The following CSGALNACT1 variants were observed in gnomAD, a reference collection of about 807,000 sequenced individuals.
The protein encoded by CSGALNACT1 is beta4GalNAcT-1.
In CSGALNACT1, 52 loss-of-function variants were observed where a neutral mutation model predicts 51.0. The observed-to-expected ratio is 1.02, with a 90% confidence interval of 0.82 to 1.29. CSGALNACT1 has a LOEUF of 1.29. CSGALNACT1 is among the 50% of genes most tolerant of loss of function. The pLI is 0.00. For synonymous variants in CSGALNACT1, 341 were observed against 254.4 expected, an observed-to-expected ratio of 1.34 and a Z score of -3.24; for missense variants, 935 against 679.2, an observed-to-expected ratio of 1.38 and a Z score of -4.19.
At chr8:19,474,783 C>G (rs561194201) in intron 4 of CSGALNACT1, among the ~76,000 whole-genome samples, 1 of 144,606 alleles carries the variant, frequency 6.9e-6, no homozygotes, top group East Asian at 2.1e-4. Context: ...AGGAGAATCA[C>G]TTGAACCTGG....
rs150179018 is a variant in CSGALNACT1 at position 19,746,353 on chromosome 8, T to C, written c.-297+11497A>G. On this transcript the variant is annotated intron_variant, in intron 1 of 1. Coordinates refer to the CSGALNACT1 transcript ENST00000517494. ...AACCTGAGAGTAGGCATCTTGGTAG[T>C]TCATTATTATAAGGGGCACCTAAAA... Among the ~76,000 whole-genome samples, 175 of 152,244 alleles carry C rather than the reference T, an allele frequency of 1.1e-3. 1 individual carries two copies. The highest frequency in any genetic ancestry group is 2.0e-3 in the Non-Finnish European group (138 of 68,010).
upstream of CSGALNACT1, among the ~76,000 whole-genome samples, chr8:19,686,480 G>C (rs1429942930): frequency 6.6e-6 from 1 of 152,188 alleles, no homozygotes; most frequent in East Asian, 1.9e-4. Flanking sequence ...CAGTTTCAAA[G>C]TTCCAGTGAA....
Position 19,431,599 on chromosome 8 carries a change from C to T in CSGALNACT1, c.953+8231G>A, listed in dbSNP as rs1276957003. Among the ~76,000 whole-genome samples, 7 of 151,576 alleles carry T rather than the reference C, an allele frequency of 4.6e-5. No individual in the cohort carries two copies. The East Asian group carries it at 1.3e-3, about 29-fold the overall frequency. ...TTGTTGAGGGTTTTGCATTTATATTCATAGGGATACTGATCTATAGTTTTC... is the reference window on the plus strand; with the variant it reads ...TTGTTGAGGGTTTTGCATTTATATTTATAGGGATACTGATCTATAGTTTTC... On this transcript the variant is annotated intron_variant, in intron 6 of 9. Transcript: ENST00000454498.
At chr8:19,422,945 G>A (rs986896560) in intron 6 of CSGALNACT1, among the ~76,000 whole-genome samples, 3 of 152,002 alleles carry the variant, frequency 2.0e-5, no homozygotes, top group African/African-American at 4.8e-5. Flanking sequence ...CTCTTTCTTC[G>A]CTGTTTCCAG....
At chr8:19,660,976 C>A (rs1198303235) in intron 1 of CSGALNACT1, among the ~76,000 whole-genome samples, 1 of 151,994 alleles carries the variant, frequency 6.6e-6, no homozygotes, top group Non-Finnish European at 1.5e-5. Context: ...GCAGTGGTGC[C>A]ATCTCAGCTC....
chr8:19,668,196 C>T (rs903308735), intron 1 of CSGALNACT1, among the ~76,000 whole-genome samples: 1 of 152,152 alleles, frequency 6.6e-6, no homozygotes, highest in Non-Finnish European at 1.5e-5. Flanking sequence ...TAAAATCACA[C>T]AGCATCTCAT....
chr8:19,639,662 T>G (rs180727397), intron 1 of CSGALNACT1, among the ~76,000 whole-genome samples: 1 of 152,056 alleles, frequency 6.6e-6, no homozygotes. Context: ...AATTTAACAT[T>G]TGACAAAGCT....
In CSGALNACT1 at chr8:19,458,368, T is replaced by C. The variant is rs540878918; in HGVS notation, c.851+58A>G. The C allele has an allele frequency of 9.0e-5, 119 of 1,322,092 alleles. No homozygotes were observed. The East Asian group carries it at 2.6e-3, about 29-fold the overall frequency. 81.9% of individuals were successfully genotyped at this position (1,322,092 alleles called of 1,614,324 possible). On this transcript the variant is annotated intron_variant, in intron 5 of 9. Transcript: ENST00000454498. ...AAATGAAGGAGATGACGGGAAATGA[T>C]ATCAGTGTTCTAACACACATCATGC...
intron 1 of CSGALNACT1, among the ~76,000 whole-genome samples, chr8:19,711,941 C>T (rs913926466): frequency 5.3e-5 from 8 of 152,200 alleles, no homozygotes; most frequent in Non-Finnish European, 7.3e-5. Context: ...AAAGGTGGTG[C>T]TAAACCCATT....
At chr8:19,475,199 G>A (rs140501837) in intron 4 of CSGALNACT1, among the ~76,000 whole-genome samples, 2 of 152,132 alleles carry the variant, frequency 1.3e-5, no homozygotes, top group Non-Finnish European at 2.9e-5. Flanking sequence ...CAAGAGTATG[G>A]AGGAAGAATA....
chr8:19,539,180 TTGTG>T (rs987022248), intron 3 of CSGALNACT1, among the ~76,000 whole-genome samples: 1 of 151,714 alleles, frequency 6.6e-6, no homozygotes, highest in Admixed American at 6.6e-5. Flanking sequence ...AGTCAGTGGG[TTGTG>T]TGTGTGTGTG....
At chr8:19,709,222 C>G (rs1024311916) in intron 1 of CSGALNACT1, among the ~76,000 whole-genome samples, 1 of 152,262 alleles carries the variant, frequency 6.6e-6, no homozygotes, top group African/African-American at 2.4e-5. Context: ...TTCTCCAGGT[C>G]TTAGAAAAAG....
At chr8:19,731,229 C>T (rs1298707303) in intron 1 of CSGALNACT1, among the ~76,000 whole-genome samples, 2 of 152,126 alleles carry the variant, frequency 1.3e-5, no homozygotes, top group Non-Finnish European at 2.9e-5. Context: ...GCTCCTTGGC[C>T]AGCCGCAGTG....
chr8:19,406,165 G>T (rs577991670), intron 9 of CSGALNACT1, 96 bp from the exon 9 acceptor site: 20 of 1,385,004 alleles, frequency 1.4e-5, no homozygotes, highest in Admixed American at 1.0e-4. Context: ...AGACATGACT[G>T]GGGGGGATGC....
At chr8:19,420,176 G>T (rs540334204) in intron 7 of CSGALNACT1, among the ~76,000 whole-genome samples, 164 bp downstream of exon 6, 1 of 152,054 alleles carries the variant, frequency 6.6e-6, no homozygotes, top group Non-Finnish European at 1.5e-5. Flanking sequence ...TTTATTAGCC[G>T]CGTGAGAACA....
At chr8:19,582,824 C>A (rs4449810) in intron 3 of CSGALNACT1, among the ~76,000 whole-genome samples, 2 of 152,286 alleles carry the variant, frequency 1.3e-5, no homozygotes, top group African/African-American at 2.4e-5. Context: ...ACAACAGATT[C>A]TCTTATTTGC....
chr8:19,618,280 C>T (rs999993997), intron 1 of CSGALNACT1, among the ~76,000 whole-genome samples: 1 of 151,914 alleles, frequency 6.6e-6, no homozygotes, highest in African/African-American at 2.4e-5. Context: ...AAATATATAC[C>T]CTGAAAATTA....
chr8:19,730,284 A>G (rs1287019340), intron 1 of CSGALNACT1, among the ~76,000 whole-genome samples: 1 of 152,176 alleles, frequency 6.6e-6, no homozygotes, highest in Non-Finnish European at 1.5e-5. Flanking sequence ...CCAAGATAGA[A>G]CAACACTCGG....
chr8:19,441,896 A>C (rs961870621), intron 5 of CSGALNACT1, among the ~76,000 whole-genome samples: 48 of 152,322 alleles, frequency 3.2e-4, no homozygotes, highest in Middle Eastern at 3.4e-3. Flanking sequence ...ACCCCATCAA[A>C]AAGTGGGCGA....
Sources: gnomAD v4.1 joint callset for allele counts (sites outside exome capture counted in the v4.1 genomes callset) on GRCh38, gnomAD v4.1.1 for gene constraint, MANE v1.5 for transcripts, NCBI Gene and HGNC (gene_info 2026-07-23, HGNC 2026-07-21) for gene names.